Variants in NUP160 observed in about 807,000 individuals in gnomAD.
NUP160 encodes the protein nuclear pore complex protein Nup160.
In NUP160, 94 loss-of-function variants were observed where a neutral mutation model predicts 196.9. The ratio of observed to expected loss-of-function variants is 0.48; its 90% CI spans 0.40 to 0.57. The LOEUF (loss-of-function observed/expected upper bound fraction) is 0.57. Among genes scored for constraint, NUP160 ranks in the 20% least tolerant of loss-of-function variants. NUP160 has a pLI of 0.00. For synonymous variants in NUP160, 605 were observed against 619.7 expected (o/e 0.98, Z 0.35); for missense variants, 1,638 against 1,748.3 (o/e 0.94, Z 1.13).
intron 27 of NUP160, among the ~76,000 whole-genome samples, chr11:47,793,375 C>A (rs1042133826): frequency 5.3e-5 from 8 of 151,684 alleles, no homozygotes; most frequent in Non-Finnish European, 1.0e-4. Flanking sequence ...TTGATGTAAC[C>A]CCTGCCCCCC....
intron 11 of NUP160, 63 bp from the exon 12 acceptor site, chr11:47,816,092 GT>G: frequency 9.0e-7 from 1 of 1,117,008 alleles, no homozygotes; most frequent in Non-Finnish European, 1.4e-6. Flanking sequence ...AAACGTTTCA[GT>G]TTAGAAGACA....
intron 12 of NUP160, 45 bp from the exon 13 acceptor site, chr11:47,815,694 A>G: frequency 1.4e-6 from 2 of 1,478,756 alleles, no homozygotes; most frequent in Non-Finnish European, 1.8e-6. Flanking sequence ...GATGCCATTC[A>G]GGATCTTTGT....
chr11:47,837,934 G>A (rs965192371), intron 4 of NUP160, among the ~76,000 whole-genome samples: 1 of 152,142 alleles, frequency 6.6e-6, no homozygotes, highest in African/African-American at 2.4e-5. Context: ...CATGTGCCAG[G>A]CACAGTTCTA....
chr11:47,789,935 T>C (rs2097666950), intron 29 of NUP160, among the ~76,000 whole-genome samples: 1 of 149,004 alleles, frequency 6.7e-6, no homozygotes, highest in Non-Finnish European at 1.5e-5. Flanking sequence ...TTGTATTTTA[T>C]ATACTGTACT....
At chr11:47,827,385 A>G (rs2135390804) in intron 7 of NUP160, among the ~76,000 whole-genome samples, 1 of 151,388 alleles carries the variant, frequency 6.6e-6, no homozygotes, top group Non-Finnish European at 1.5e-5. Flanking sequence ...AAAAATTCAC[A>G]GCTTACTGTT....
At chr11:47,796,853 C>T (rs1287119516) in intron 27 of NUP160, among the ~76,000 whole-genome samples, 1 of 152,076 alleles carries the variant, frequency 6.6e-6, no homozygotes, top group African/African-American at 2.4e-5. Context: ...CCACCATGCC[C>T]GGCTATTTTT....
rs779185991 is a variant in NUP160, at chr11:47,825,575, C to T, written c.1102-3411G>A. Among the ~76,000 whole-genome samples the T allele has an allele frequency of 1.4e-4, 21 of 151,818 alleles. No individual in the cohort carries two copies. In the East Asian group the frequency reaches 3.7e-3, roughly 27 times the overall value. On this transcript the variant is annotated intron_variant, in intron 7 of 35. Coordinates refer to ENST00000378460, the Ensembl canonical transcript of NUP160. ...TCAAGCAATTCTCCTGCCTCAGCCT[C>T]GCGAGTAGTTGGGATTTACAGGCAC...
At chr11:47,841,868 T>A (rs901992001) in intron 2 of NUP160, among the ~76,000 whole-genome samples, 4 of 151,996 alleles carry the variant, frequency 2.6e-5, no homozygotes, top group African/African-American at 7.3e-5. Flanking sequence ...TTGTATTTTT[T>A]AGTAGAGACG....
chr11:47,812,024 G>C (rs552613297), intron 17 of NUP160, 40 bp downstream of exon 17: 2 of 1,603,450 alleles, frequency 1.2e-6, no homozygotes, highest in African/African-American at 1.3e-5. Flanking sequence ...GCCTATAACA[G>C]GTTTTAGATT....
chr11:47,838,635 G>GA (rs985363214), intron 4 of NUP160, among the ~76,000 whole-genome samples: 1 of 151,920 alleles, frequency 6.6e-6, no homozygotes, highest in Admixed American at 6.6e-5. Context: ...TTGAACCTGG[G>GA]GGGGGCGGAG....
chr11:47,830,772 T>C (rs767633103), intron 7 of NUP160, among the ~76,000 whole-genome samples: 6 of 152,138 alleles, frequency 3.9e-5, no homozygotes, highest in South Asian at 2.1e-4. Context: ...GCTTAATTCC[T>C]GGGTGATGAG....
intron 17 of NUP160, among the ~76,000 whole-genome samples, chr11:47,811,204 C>A (rs1299073793): frequency 6.6e-6 from 1 of 151,964 alleles, no homozygotes; most frequent in Non-Finnish European, 1.5e-5. Flanking sequence ...TTAGGGTAAG[C>A]CTTGCACTGT....
chr11:47,782,216 G>A (rs1446705623), intron 34 of NUP160, among the ~76,000 whole-genome samples: 3 of 149,606 alleles, frequency 2.0e-5, no homozygotes, highest in Admixed American at 6.7e-5. Flanking sequence ...CCCGGGAGGC[G>A]GAGGCTGCAG....
At chr11:47,817,142 T>C (rs1851745326) in intron 11 of NUP160, among the ~76,000 whole-genome samples, 1 of 150,786 alleles carries the variant, frequency 6.6e-6, no homozygotes, top group Admixed American at 6.6e-5. Context: ...CACCTGGCTA[T>C]TTTTCTATTA....
intron 7 of NUP160, among the ~76,000 whole-genome samples, chr11:47,830,670 C>T (rs1396646904): frequency 6.6e-6 from 1 of 152,098 alleles, no homozygotes; most frequent in African/African-American, 2.4e-5. Context: ...AACTTATGAA[C>T]ACGAAGAAGG....
intron 7 of NUP160, among the ~76,000 whole-genome samples, chr11:47,822,458 G>A (rs1338016185): frequency 2.0e-5 from 3 of 151,898 alleles, no homozygotes; most frequent in Admixed American, 1.3e-4. Context: ...GGGTTTCACC[G>A]TGTTGGCCAG....
intron 9 of NUP160, among the ~76,000 whole-genome samples, chr11:47,820,844 C>T (rs1851842357): frequency 6.6e-6 from 1 of 152,184 alleles, no homozygotes; most frequent in African/African-American, 2.4e-5. Context: ...GCCACCGCAC[C>T]TGGCCACTAG....
At chr11:47,819,878 C>T (rs1565201526) in intron 9 of NUP160, among the ~76,000 whole-genome samples, 1 of 152,196 alleles carries the variant, frequency 6.6e-6, no homozygotes, top group Non-Finnish European at 1.5e-5. Context: ...TCCCATTTCA[C>T]AGATGTACAC....
chr11:47,836,929 A>G, exon 6 of NUP160: 2 of 1,613,726 alleles, frequency 1.2e-6, no homozygotes, highest in Non-Finnish European at 1.7e-6. Context: ...GACACAAAGC[A>G]AAGATGAAGG....
Sources: gnomAD v4.1 joint callset for allele counts (sites outside exome capture counted in the v4.1 genomes callset) on GRCh38, gnomAD v4.1.1 for gene constraint, MANE v1.5 for transcripts, NCBI Gene and HGNC (gene_info 2026-07-23, HGNC 2026-07-21) for gene names.